The following NIBAN1 variants were observed in gnomAD, a reference collection of about 807,000 sequenced individuals.
The protein encoded by NIBAN1 is niban apoptosis regulator 1.
NIBAN1 carries 81 observed loss-of-function variants against 75.1 expected under a neutral mutation model. That is an observed-to-expected ratio of 1.08 (90% CI 0.90 to 1.30). The LOEUF is 1.30. NIBAN1 is among the 50% of genes most tolerant of loss of function. The pLI, the probability that NIBAN1 is intolerant of heterozygous loss-of-function variation, is 0.00. For synonymous variants in NIBAN1, 436 were observed against 424.8 expected, an observed-to-expected ratio of 1.03 and a Z score of -0.32; for missense variants, 1,133 against 1,128.1, an observed-to-expected ratio of 1.00 and a Z score of -0.06.
chr1:184,832,525 G>A (rs1317622072), intron 5 of NIBAN1, among the ~76,000 whole-genome samples: 2 of 152,218 alleles, frequency 1.3e-5, no homozygotes, highest in East Asian at 1.9e-4. Flanking sequence ...AAAAACCCTC[G>A]AGGAGAGTAT....
At chr1:184,801,579 G>A (rs1448669588) in intron 12 of NIBAN1, among the ~76,000 whole-genome samples, 1 of 152,138 alleles carries the variant, frequency 6.6e-6, no homozygotes, top group African/African-American at 2.4e-5. Flanking sequence ...GTGAAAGCAT[G>A]ACTCTGGAAG....
rs1158415583 is a variant in NIBAN1, at chr1:184,795,893, T to C, written c.1871A>G (p.Glu624Gly). 1.2e-6 allele frequency: 2 copies of C among 1,613,638 alleles called. No homozygotes were observed. The highest frequency in any genetic ancestry group is 1.7e-6 in the Non-Finnish European group (2 of 1,179,870). ...GCTAGGGACCTCAGGCTGCTTCTCT[T>C]CCTCTGACTCCTGGAATACTTCGTT... ...LSNEVFQESE[E>G]EKQPEVPSSL... The change falls in exon 14 of 14, where the codon GAA (glutamate) becomes GGA (glycine). Residue 624 changes from glutamate to glycine, a missense_variant. Transcript: ENST00000367511.
chr1:184,909,731 T>A (rs753426329), intron 1 of NIBAN1, among the ~76,000 whole-genome samples: 9 of 152,174 alleles, frequency 5.9e-5, no homozygotes, highest in Non-Finnish European at 1.3e-4. Flanking sequence ...CATGATTTGG[T>A]CAAGCACTAT....
intron 6 of NIBAN1, among the ~76,000 whole-genome samples, chr1:184,826,609 A>G (rs986160182): frequency 1.3e-5 from 2 of 152,230 alleles, no homozygotes; most frequent in African/African-American, 4.8e-5. Flanking sequence ...AAGGGTCATA[A>G]GAATTGTCCC....
At chr1:184,826,938 T>C (rs1654857095) in intron 6 of NIBAN1, among the ~76,000 whole-genome samples, 1 of 152,114 alleles carries the variant, frequency 6.6e-6, no homozygotes, top group South Asian at 2.1e-4. Flanking sequence ...CCATGTGTTG[T>C]GTGGGGGACC....
intron 10 of NIBAN1, 187 bp downstream of exon 10, chr1:184,807,887 G>A: frequency 1.6e-6 from 1 of 640,912 alleles, no homozygotes; most frequent in Admixed American, 2.4e-5. Flanking sequence ...TCTTGTCTAT[G>A]ATGTTCATCC....
At chr1:184,837,427 C>G (rs965078980) in intron 5 of NIBAN1, among the ~76,000 whole-genome samples, 1 of 152,260 alleles carries the variant, frequency 6.6e-6, no homozygotes. Context: ...GAAACTGGAA[C>G]AAGAAATGGT....
intron 1 of NIBAN1, among the ~76,000 whole-genome samples, chr1:184,921,385 T>C (rs976891158): frequency 6.6e-6 from 1 of 152,118 alleles, no homozygotes; most frequent in Non-Finnish European, 1.5e-5. Context: ...CAGACTTTTA[T>C]AGAGACAGCG....
intron 5 of NIBAN1, among the ~76,000 whole-genome samples, chr1:184,878,831 T>C (rs952434620): frequency 6.6e-6 from 1 of 152,198 alleles, no homozygotes; most frequent in Non-Finnish European, 1.5e-5. Flanking sequence ...TAACTAGCTG[T>C]GACCTATTTG....
chr1:184,916,530 T>C (rs1326606725), intron 1 of NIBAN1, among the ~76,000 whole-genome samples: 1 of 152,218 alleles, frequency 6.6e-6, no homozygotes, highest in African/African-American at 2.4e-5. Context: ...TTTATTCCCC[T>C]TGAATAATTA....
chr1:184,829,475 T>C (rs647735), intron 6 of NIBAN1, among the ~76,000 whole-genome samples: 3,831 of 148,110 alleles, frequency 0.026, 103 homozygotes, highest in African/African-American at 0.06. Flanking sequence ...TTTTTTTTTT[T>C]TTTTTTTTTG....
chr1:184,818,565 T>C, intron 9 of NIBAN1, 73 bp downstream of exon 9: 1 of 1,348,228 alleles, frequency 7.4e-7, no homozygotes, highest in Non-Finnish European at 1.0e-6. Flanking sequence ...GAGGGAGAAA[T>C]GGCAGATAAA....
At chr1:184,860,033 A>T (rs1276614311) in intron 5 of NIBAN1, among the ~76,000 whole-genome samples, 3 of 152,212 alleles carry the variant, frequency 2.0e-5, no homozygotes, top group African/African-American at 7.2e-5. Flanking sequence ...GGTCATGTCC[A>T]TGCAAGGACC....
At chr1:184,880,095 A>G (rs551728080) in intron 5 of NIBAN1, among the ~76,000 whole-genome samples, 1 of 152,362 alleles carries the variant, frequency 6.6e-6, no homozygotes, top group African/African-American at 2.4e-5. Flanking sequence ...TCAAGCTAGC[A>G]CAGCACTGTT....
intron 5 of NIBAN1, among the ~76,000 whole-genome samples, chr1:184,876,561 T>G (rs777204458): frequency 4.0e-5 from 6 of 151,286 alleles, no homozygotes; most frequent in Non-Finnish European, 7.4e-5. Context: ...ATTACCCAGG[T>G]GTGGTAGTGT....
intron 1 of NIBAN1, among the ~76,000 whole-genome samples, chr1:184,941,081 T>C (rs1385153189): frequency 2.0e-5 from 3 of 152,148 alleles, no homozygotes; most frequent in African/African-American, 7.2e-5. Flanking sequence ...CTTAGGACAG[T>C]ACCCAAAGCA....
chr1:184,795,922 G>A lies in NIBAN1; in HGVS notation c.1842C>T (p.Leu614=). ...ILPGVLGSET[L]SNEVFQESEE... ...CTGACTCCTGGAATACTTCGTTACT[G>A]AGGGTCTCACTACCCAGAACTCCTG... Residue 614 remains leucine, a synonymous_variant, in exon 14 of 14, where the codon CTC becomes CTT. Coordinates refer to ENST00000367511, the MANE Select transcript of NIBAN1 (RefSeq NM_052966.4). 9.3e-6 allele frequency: 15 copies of A among 1,614,192 alleles called. No homozygotes were observed. The highest frequency in any genetic ancestry group is 1.3e-5 in the Non-Finnish European group (15 of 1,180,028).
intron 5 of NIBAN1, among the ~76,000 whole-genome samples, chr1:184,855,697 C>T (rs1655659795): frequency 6.6e-6 from 1 of 152,166 alleles, no homozygotes; most frequent in Non-Finnish European, 1.5e-5. Context: ...GGTCTATTTT[C>T]TGTTTCCACC....
chr1:184,883,392 T>C (rs1325292223), intron 5 of NIBAN1, among the ~76,000 whole-genome samples: 1 of 152,226 alleles, frequency 6.6e-6, no homozygotes, highest in Non-Finnish European at 1.5e-5. Flanking sequence ...GTATGCTTCA[T>C]TACTCTCTTC....
Sources: gnomAD v4.1 joint callset for allele counts (sites outside exome capture counted in the v4.1 genomes callset) on GRCh38, gnomAD v4.1.1 for gene constraint, MANE v1.5 for transcripts, NCBI Gene and HGNC (gene_info 2026-07-23, HGNC 2026-07-21) for gene names.